Variants in ZNF124 observed in about 807,000 individuals in gnomAD.
ZNF124 encodes zinc finger protein HZF-16.
In ZNF124, 25 loss-of-function variants were observed where a neutral mutation model predicts 26.6. The observed-to-expected ratio is 0.94, with a 90% CI of 0.68 to 1.31. The LOEUF (loss-of-function observed/expected upper bound fraction) is 1.31. ZNF124 is among the 40% of genes most tolerant of loss of function. The pLI is 0.00. For missense variants in ZNF124, 444 were observed against 422.2 expected (o/e 1.05, Z -0.45); for synonymous variants, 129 against 133.3 (o/e 0.97, Z 0.22).
chr1:247,143,309 C>G (rs1315859752), intron 3 of ZNF124, among the ~76,000 whole-genome samples: 2 of 152,002 alleles, frequency 1.3e-5, no homozygotes, highest in Non-Finnish European at 2.9e-5. Context: ...AAAGTAAATT[C>G]AAAGGGACAT....
intron 3 of ZNF124, among the ~76,000 whole-genome samples, chr1:247,146,020 A>G (rs1672769065): frequency 6.6e-6 from 1 of 152,194 alleles, no homozygotes; most frequent in Non-Finnish European, 1.5e-5. Context: ...CAGACAGTCT[A>G]TAGTTTTTAA....
chr1:247,152,088 C>A (rs1367117168), downstream of ZNF124, among the ~76,000 whole-genome samples: 3 of 142,882 alleles, frequency 2.1e-5, no homozygotes, highest in Admixed American at 2.1e-4. Context: ...AAGCCTCAGA[C>A]AAAACTGTCC....
chr1:247,136,717 C>T (rs1019886778), intron 3 of ZNF124, among the ~76,000 whole-genome samples: 3 of 152,042 alleles, frequency 2.0e-5, no homozygotes, highest in South Asian at 2.1e-4. Flanking sequence ...GAGGCCAAGG[C>T]GGGTATATCA....
At chr1:247,142,768 A>C (rs1672659925) in intron 3 of ZNF124, among the ~76,000 whole-genome samples, 1 of 151,876 alleles carries the variant, frequency 6.6e-6, no homozygotes, top group Admixed American at 6.6e-5. Context: ...CTAATTTTAA[A>C]CTTTCTTCTA....
At chr1:247,131,313 A>G (rs1015869213) in intron 3 of ZNF124, among the ~76,000 whole-genome samples, 4 of 152,066 alleles carry the variant, frequency 2.6e-5, no homozygotes, top group South Asian at 4.1e-4. Flanking sequence ...CAACCCACGG[A>G]TTGGAAGATC....
downstream of ZNF124, among the ~76,000 whole-genome samples, chr1:247,152,920 TC>T (rs1238118703): frequency 3.3e-5 from 5 of 152,086 alleles, no homozygotes; most frequent in Non-Finnish European, 5.9e-5. Context: ...GATCACGAGG[TC>T]AGGAGATCAA....
intron 3 of ZNF124, chr1:247,138,622 AT>A (rs1325250853): frequency 1.0e-5 from 4 of 397,050 alleles, no homozygotes; most frequent in Non-Finnish European, 8.9e-6. Context: ...TTCTGGACTA[AT>A]TTAAAATGAA....
At chr1:247,164,098 T>C (rs772634834) in intron 1 of ZNF124, among the ~76,000 whole-genome samples, 1 of 152,176 alleles carries the variant, frequency 6.6e-6, no homozygotes, top group Non-Finnish European at 1.5e-5. Flanking sequence ...TCAACATCCC[T>C]TCATGTTAAA....
Position 247,143,429 on chromosome 1 carries a change from A to G in ZNF124, c.218+15577T>C, listed in dbSNP as rs115966225. Among the ~76,000 whole-genome samples, 780 of 152,212 alleles carry G rather than the reference A, an allele frequency of 5.1e-3. 11 individuals are homozygous for G. Among genetic ancestry groups the G allele is most frequent in the African/African-American group, 0.018 (744 of 41,496 alleles). The stretch of plus-strand genomic sequence containing the variant: ...ACCGAGAATTTGACCCCGGAAGGTG[A>G]CGGATGAACATGTGTCCTGGTATTC... On this transcript the variant is annotated intron_variant, in intron 3 of 3. Coordinates refer to the ZNF124 transcript ENST00000472531.
At chr1:247,151,005 A>C (rs569522525), downstream of ZNF124, among the ~76,000 whole-genome samples, 1 of 152,256 alleles carries the variant, frequency 6.6e-6, no homozygotes, top group African/African-American at 2.4e-5. Context: ...ACCACCATAA[A>C]TCAAGAAGAA....
Position 247,167,483 on chromosome 1 carries a change from T to A in ZNF124, c.30+4365A>T, listed in dbSNP as rs915998487. ...GAAATGTATTCACTTTCTGTAATCATAAAGGAAGAGAGATTTTTCCTATTT... is the reference window on the plus strand; with the variant it reads ...GAAATGTATTCACTTTCTGTAATCAAAAAGGAAGAGAGATTTTTCCTATTT... On this transcript the variant is annotated intron_variant, in intron 1 of 3. Coordinates refer to ENST00000543802, the MANE Select transcript of ZNF124 (RefSeq NM_001297568.2). 2.0e-5 allele frequency among the ~76,000 whole-genome samples: 3 copies of A among 152,208 alleles called. No individual in the cohort carries two copies. The South Asian group carries it at 6.2e-4, about 31-fold the overall frequency.
chr1:247,146,211 G>GA (rs890585612), intron 3 of ZNF124, among the ~76,000 whole-genome samples: 1 of 152,216 alleles, frequency 6.6e-6, no homozygotes, highest in African/African-American at 2.4e-5. Context: ...AATACTTAGT[G>GA]AAGTGGGGGC....
At chr1:247,151,485 A>AAAAAC (rs2103113499), downstream of ZNF124, among the ~76,000 whole-genome samples, 1 of 152,130 alleles carries the variant, frequency 6.6e-6, no homozygotes, top group Admixed American at 6.5e-5. Flanking sequence ...TCTCAAAAAA[A>AAAAAC]AAAAAAAAAA....
chr1:247,141,309 G>A (rs1008727377), intron 3 of ZNF124, among the ~76,000 whole-genome samples: 9 of 152,092 alleles, frequency 5.9e-5, no homozygotes, highest in Non-Finnish European at 1.0e-4. Context: ...TGCAGACAGC[G>A]GTAGCAAGGC....
intron 3 of ZNF124, among the ~76,000 whole-genome samples, chr1:247,134,821 C>A (rs1672445943): frequency 6.6e-6 from 1 of 152,208 alleles, no homozygotes; most frequent in South Asian, 2.1e-4. Flanking sequence ...CCACATGGCA[C>A]TTATTCTCAA....
intron 3 of ZNF124, among the ~76,000 whole-genome samples, chr1:247,131,515 T>TC (rs1356671190): frequency 3.9e-5 from 6 of 152,182 alleles, no homozygotes; most frequent in African/African-American, 1.4e-4. Context: ...GTACTGGGAC[T>TC]CCAACTGCCT....
chr1:247,132,610 G>GA (rs1290397854), intron 3 of ZNF124, among the ~76,000 whole-genome samples: 1 of 152,196 alleles, frequency 6.6e-6, no homozygotes, highest in Non-Finnish European at 1.5e-5. Context: ...TGCCTCAAAA[G>GA]AAAGAGTAAA....
downstream of ZNF124, among the ~76,000 whole-genome samples, chr1:247,151,462 G>C (rs149378741): frequency 0.033 from 4,848 of 146,586 alleles, 279 homozygotes; most frequent in African/African-American, 0.12. Context: ...CTGGGTGACA[G>C]AGTGAGACTC....
intron 3 of ZNF124, among the ~76,000 whole-genome samples, chr1:247,148,805 A>C (rs61854864): frequency 2.2e-5 from 1 of 45,256 alleles, no homozygotes; most frequent in Non-Finnish European, 3.6e-5. Flanking sequence ...CTAAAAATAC[A>C]AAAAAAAAAA....
Sources: allele counts gnomAD v4.1 joint callset (sites outside exome capture counted in the v4.1 genomes callset), GRCh38; gene constraint gnomAD v4.1.1; transcripts MANE v1.5; gene names NCBI Gene and HGNC (gene_info 2026-07-23, HGNC 2026-07-21).